The following GSE1 variants were observed in gnomAD, a reference collection of about 807,000 sequenced individuals.
The protein encoded by GSE1 is Gse1 coiled-coil protein, also known as genetic suppressor element 1.
GSE1 carries 32 observed loss-of-function variants against 112.6 expected under a neutral mutation model. The observed-to-expected ratio is 0.28, with a 90% CI of 0.21 to 0.38. GSE1 has a LOEUF of 0.38. Among genes scored for constraint, GSE1 ranks in the 10% least tolerant of loss-of-function variants. The probability of loss-of-function intolerance (pLI) is 1.00; values close to 1 mark genes in which losing one functional copy is unlikely to be tolerated. For missense variants in GSE1, 2,348 were observed against 1,699.2 expected (o/e 1.38, Z -6.71); for synonymous variants, 1,115 against 735.6 (o/e 1.52, Z -8.35).
exon 1 of GSE1, chr16:85,171,141 C>T (rs545137939): frequency 1.0e-5 from 10 of 985,624 alleles, no homozygotes; most frequent in East Asian, 1.1e-4. Context: ...AGTGCTTCAG[C>T]GTCCTGGAGG....
chr16:85,200,745 C>T (rs561045184), intron 1 of GSE1, among the ~76,000 whole-genome samples: 90 of 152,300 alleles, frequency 5.9e-4, no homozygotes, highest in African/African-American at 2.0e-3. Context: ...GCTAAGATGA[C>T]GGGAAATGGA....
chr16:85,503,412 A>G (rs2051435181), intron 2 of GSE1, among the ~76,000 whole-genome samples: 1 of 152,248 alleles, frequency 6.6e-6, no homozygotes, highest in Non-Finnish European at 1.5e-5. Context: ...CTCACAAATC[A>G]TGACCACCTA....
In GSE1 at chr16:85,388,292, GTGGATGGA is replaced by G. The variant is rs760888229; in HGVS notation, c.2464+30680_2464+30687del. Among the ~76,000 whole-genome samples, 81 of 47,660 alleles carry G rather than the reference GTGGATGGA, an allele frequency of 1.7e-3. 14 individuals carry two copies. Among genetic ancestry groups the G allele is most frequent in the Non-Finnish European group, 1.9e-3 (50 of 26,262 alleles). 31.3% of individuals were successfully genotyped at this position (47,660 alleles called of 152,430 possible). A position where few individuals can be genotyped will look rare whatever the true frequency, so the allele number is the denominator to read the frequency against. On this transcript the variant is annotated intron_variant, in intron 2 of 2. Coordinates refer to the GSE1 transcript ENST00000637419. The stretch of plus-strand genomic sequence containing the variant: ...GATGGATGGGTGAGTGGATGGGTGG[GTGGATGGA>G]TGGATGGATGGATGGATGGATGGAT...
chr16:85,357,767 G>T, intron 2 of GSE1: 4 of 474,244 alleles, frequency 8.4e-6, no homozygotes, highest in Non-Finnish European at 1.0e-5. Flanking sequence ...CATCCTAGGG[G>T]AGAGACCGGG....
intron 1 of GSE1, among the ~76,000 whole-genome samples, chr16:85,295,443 C>T (rs771332878): frequency 1.3e-5 from 2 of 152,240 alleles, no homozygotes; most frequent in Non-Finnish European, 2.9e-5. Flanking sequence ...GCGCGTAGAC[C>T]GCGTCCTTTT....
intron 2 of GSE1, among the ~76,000 whole-genome samples, chr16:85,368,484 C>T (rs576900099): frequency 1.3e-5 from 2 of 152,232 alleles, no homozygotes; most frequent in Non-Finnish European, 2.9e-5. Context: ...GCAGGAGGAT[C>T]GCTTGAGCCC....
In GSE1 at chr16:85,203,451, C is replaced by T. The variant is rs573478713; in HGVS notation, c.2283+31644C>T. Among the ~76,000 whole-genome samples the T allele has an allele frequency of 9.2e-5, 14 of 152,284 alleles. No homozygotes were observed. The East Asian group carries it at 2.5e-3, about 27-fold the overall frequency. On this transcript the variant is annotated intron_variant, in intron 1 of 2. Transcript: ENST00000637419. ...ACAGCACGTGGGACACGGCCTGCCC[C>T]TGTGGCCCCTCAGGGAGGGGTTGGA...
intron 1 of GSE1, among the ~76,000 whole-genome samples, chr16:85,180,175 C>T (rs757526433): frequency 2.8e-4 from 42 of 152,198 alleles, no homozygotes; most frequent in Non-Finnish European, 4.3e-4. Flanking sequence ...TTGATTAAAT[C>T]GGTTGCTGGA....
intron 1 of GSE1, among the ~76,000 whole-genome samples, chr16:85,259,926 G>C (rs1907495388): frequency 6.6e-6 from 1 of 152,234 alleles, no homozygotes; most frequent in South Asian, 2.1e-4. Flanking sequence ...AGAAAGGGCT[G>C]GATGGTGACC....
intron 2 of GSE1, among the ~76,000 whole-genome samples, chr16:85,493,828 C>T (rs1280887807): frequency 6.8e-6 from 1 of 148,116 alleles, no homozygotes; most frequent in African/African-American, 2.5e-5. Flanking sequence ...TGGTGGTACA[C>T]ATCTGTAGTC....
At chr16:85,641,603 G>A (rs1331603514) in intron 2 of GSE1, among the ~76,000 whole-genome samples, 1 of 152,280 alleles carries the variant, frequency 6.6e-6, no homozygotes, top group African/African-American at 2.4e-5. Flanking sequence ...TGTGCCTGCT[G>A]TCCCGTGTAC....
At position 85,454,179 on chromosome 16, in the gene GSE1, G is replaced by A. The variant is rs144206597; in HGVS notation, c.2464+96536G>A. Among the ~76,000 whole-genome samples the A allele has an allele frequency of 1.7e-3, 252 of 152,350 alleles. 1 individual carries two copies. Among genetic ancestry groups the A allele is most frequent in the South Asian group, 0.01 (49 of 4,832 alleles). ...CCAACATTTATTAAGGACTGGCAGC[G>A]TGCAGGGCCCTGTGTGGAGCCTTTC... On this transcript the variant is annotated intron_variant, in intron 2 of 2. Transcript: ENST00000637419.
chr16:85,518,160 C>T (rs373814539), intron 2 of GSE1, among the ~76,000 whole-genome samples: 3 of 152,376 alleles, frequency 2.0e-5, no homozygotes, highest in East Asian at 3.9e-4. Context: ...CCATCCCCGG[C>T]CACCCAGACA....
At chr16:85,205,780 C>T (rs572270627) in intron 1 of GSE1, among the ~76,000 whole-genome samples, 113 of 152,324 alleles carry the variant, frequency 7.4e-4, no homozygotes, top group African/African-American at 2.6e-3. Context: ...TCTGTGAAAT[C>T]CTCGCAGACT....
chr16:85,555,915 C>T (rs1228498842), upstream of GSE1: 11 of 945,834 alleles, frequency 1.2e-5, no homozygotes, highest in African/African-American at 1.8e-5. Context: ...TTCTCTCGCT[C>T]CTCTTCCCCG....
chr16:85,300,914 G>C (rs955414746), intron 1 of GSE1, among the ~76,000 whole-genome samples: 6 of 152,206 alleles, frequency 3.9e-5, no homozygotes, highest in Non-Finnish European at 8.8e-5. Flanking sequence ...CCAGAATTTG[G>C]GGGGAGTGGG....
chr16:85,403,676 C>G (rs886213795), intron 2 of GSE1, among the ~76,000 whole-genome samples: 2 of 152,082 alleles, frequency 1.3e-5, no homozygotes, highest in African/African-American at 4.8e-5. Context: ...GTAGCACATG[C>G]CTGTGGTCCC....
chr16:85,266,280 G>C (rs752559483), intron 1 of GSE1, among the ~76,000 whole-genome samples: 2 of 152,208 alleles, frequency 1.3e-5, no homozygotes, highest in Non-Finnish European at 2.9e-5. Context: ...GAAAACTCTA[G>C]CAATGAGCGA....
At chr16:85,254,999 G>C (rs1257466194) in intron 1 of GSE1, among the ~76,000 whole-genome samples, 2 of 152,216 alleles carry the variant, frequency 1.3e-5, no homozygotes, top group Non-Finnish European at 2.9e-5. Flanking sequence ...GTGGTTGGGG[G>C]CAGCACCCAC....
Sources: allele counts gnomAD v4.1 joint callset (sites outside exome capture counted in the v4.1 genomes callset), GRCh38; gene constraint gnomAD v4.1.1; transcripts MANE v1.5; gene names NCBI Gene and HGNC (gene_info 2026-07-23, HGNC 2026-07-21).